The following TFR2 variants were observed in gnomAD, a reference collection of about 807,000 sequenced individuals.
The protein encoded by TFR2 is transferrin receptor protein 2.
TFR2 carries 64 observed loss-of-function variants against 91.9 expected under a neutral mutation model. The observed-to-expected ratio is 0.70, with a 90% CI of 0.57 to 0.86. The LOEUF is 0.86. TFR2 is among the 40% of genes least tolerant of loss of function. The pLI is 0.00. For missense variants in TFR2, 950 were observed against 1,080.5 expected, an observed-to-expected ratio of 0.88 and a Z score of 1.69; for synonymous variants, 454 against 459.6, an observed-to-expected ratio of 0.99 and a Z score of 0.15.
At chr7:100,621,595 T>C (rs112820062) in intron 17 of TFR2, among the ~76,000 whole-genome samples, 63 of 152,230 alleles carry the variant, frequency 4.1e-4, no homozygotes, top group African/African-American at 1.5e-3. Flanking sequence ...CATGTAGTTC[T>C]CCCGAGTCTT....
At chr7:100,639,451 A>T (rs1803646581) in intron 3 of TFR2, among the ~76,000 whole-genome samples, 1 of 152,228 alleles carries the variant, frequency 6.6e-6, no homozygotes, top group Admixed American at 6.5e-5. Flanking sequence ...AGCTGTCTGG[A>T]GCACAGCAAA....
intron 3 of TFR2, among the ~76,000 whole-genome samples, chr7:100,635,323 C>A (rs1195701230): frequency 6.6e-6 from 1 of 151,912 alleles, no homozygotes; most frequent in African/African-American, 2.4e-5. Context: ...CTCACTGCAA[C>A]CTTCAGCTCC....
In TFR2 at chr7:100,627,245, CG is replaced by C. The variant is rs1562837975; in HGVS notation, c.1995+18del. The C allele has an allele frequency of 2.6e-6, 4 of 1,546,736 alleles. No homozygotes were observed. Among genetic ancestry groups the C allele is most frequent in the African/African-American group, 2.7e-5 (2 of 72,942 alleles). On this transcript the variant is annotated intron_variant, in intron 16 of 17. Transcript: ENST00000223051. ...GCCTCCCACTCCCAGAGACCAAGAG[CG>C]GGGTGGGCCTCTTGAACCTTGAGGT...
chr7:100,641,174 G>T lies in TFR2; in HGVS notation c.88C>A (p.Arg30=). 6.6e-7 allele frequency: 1 copy of T among 1,526,660 alleles called. No individual in the cohort carries two copies. 94.6% of individuals were successfully genotyped at this position (1,526,660 alleles called of 1,614,324 possible). A position where few individuals can be genotyped will look rare whatever the true frequency, so the allele number is the denominator to read the frequency against. The part of the protein sequence containing the change: ...QTVYQRVEGP[R]KGHLEEEEED... Reference sequence around the variant, plus strand: ...TCTTCCTCCTCCAGGTGCCCTTTCCGGGGGCCTTCCACACGCTGGTAGACG... The same window carrying T: ...TCTTCCTCCTCCAGGTGCCCTTTCCTGGGGCCTTCCACACGCTGGTAGACG... Residue 30 remains arginine (R), a synonymous_variant, in exon 2 of 18, where the codon CGG becomes AGG. Coordinates refer to ENST00000223051, the MANE Select transcript of TFR2 (RefSeq NM_003227.4).
chr7:100,634,109 CCAT>C (rs1395374742), intron 3 of TFR2, among the ~76,000 whole-genome samples: 2 of 151,588 alleles, frequency 1.3e-5, no homozygotes, highest in Non-Finnish European at 1.5e-5. Context: ...GGGGTCCTGC[CCAT>C]CATCCTGTAG....
chr7:100,631,733 A>G (rs1167385580), intron 8 of TFR2, 73 bp downstream of exon 8: 11 of 1,561,082 alleles, frequency 7.0e-6, no homozygotes, highest in East Asian at 6.8e-5. Context: ...GTTCACCCAC[A>G]ATCACCCTGT....
At chr7:100,637,593 C>T (rs1041483740) in intron 3 of TFR2, among the ~76,000 whole-genome samples, 1 of 151,356 alleles carries the variant, frequency 6.6e-6, no homozygotes, top group African/African-American at 2.4e-5. Context: ...GAATTGGTTG[C>T]AAATATATAA....
At chr7:100,640,532 C>T (rs771780985) in intron 3 of TFR2, 154 bp downstream of exon 3, 32 of 831,020 alleles carry the variant, frequency 3.9e-5, no homozygotes, top group Non-Finnish European at 5.7e-5. Context: ...CCATCCTTCC[C>T]AGGACCGCTG....
Position 100,641,515 on chromosome 7 carries a change from T to C in TFR2, c.-6A>G, listed in dbSNP as rs1409488700. ...AGACCCCAAAGCCGCTCCATGCTTG[T>C]GTCCCCTCCTGAAGCCTGCAGGCTG... On this transcript the variant is annotated 5_prime_UTR_variant, in exon 1 of 18. Coordinates refer to ENST00000223051, the MANE Select transcript of TFR2 (RefSeq NM_003227.4). 14 of 1,613,724 alleles carry C rather than the reference T, an allele frequency of 8.7e-6. No individual in the cohort carries two copies. The African/African-American group carries it at 1.5e-4, about 17-fold the overall frequency.
chr7:100,621,043 C>T lies in TFR2; in HGVS notation c.2220G>A (p.Thr740=), dbSNP rs974022495. ...GCAGGTGGTCCAGCAGGGCGCCCAG[C>T]GTGTGGTCTCCACGGCCCATGAAGA... is the stretch of plus-strand genomic sequence containing the variant. The part of the protein sequence containing the change: ...RHIFMGRGDH[T]LGALLDHLRL... The change falls in exon 18 of 18, where the codon ACG becomes ACA. Residue 740 remains threonine (T), a synonymous_variant. Transcript: ENST00000223051. 5.7e-6 allele frequency: 9 copies of T among 1,583,318 alleles called. No individual in the cohort carries two copies. The highest frequency in any genetic ancestry group is 3.4e-5 in the South Asian group (3 of 87,548).
At chr7:100,629,482 C>T in intron 9 of TFR2, 110 bp from the exon 10 acceptor site, 11 of 1,583,056 alleles carry the variant, frequency 6.9e-6, no homozygotes, top group Admixed American at 3.4e-5. Flanking sequence ...AACCCTAGCC[C>T]TGCAGTCCCT....
Position 100,630,983 on chromosome 7 carries a change from G to T in TFR2, c.1176C>A (p.Gly392=). Residue 392 remains glycine (G), a synonymous_variant, in exon 9 of 18, where the codon GGC becomes GGA. Transcript: ENST00000223051. ...GSLLGSPYHL[G]PGPRLRLVVN... ...CCACTAGCCGCAGTCGTGGCCCGGGGCCCAGGTGATAAGGGGAGCCTAGGA... is the reference window on the plus strand; with the variant it reads ...CCACTAGCCGCAGTCGTGGCCCGGGTCCCAGGTGATAAGGGGAGCCTAGGA... 1.2e-6 allele frequency: 2 copies of T among 1,611,010 alleles called. No homozygotes were observed. Among genetic ancestry groups the T allele is most frequent in the South Asian group, 2.2e-5 (2 of 90,780 alleles).
chr7:100,622,107 A>G (rs182229947), intron 17 of TFR2, among the ~76,000 whole-genome samples: 162 of 152,210 alleles, frequency 1.1e-3, no homozygotes, highest in Non-Finnish European at 1.4e-3. Context: ...GCTCACTGCA[A>G]CCCAAACCCC....
intron 17 of TFR2, 98 bp downstream of exon 17, chr7:100,626,665 G>T: frequency 6.6e-7 from 1 of 1,509,968 alleles, no homozygotes. Context: ...GTGTAGGCGG[G>T]GAGAGAGAGG....
chr7:100,621,288 C>A (rs924919039), intron 17 of TFR2, among the ~76,000 whole-genome samples, 162 bp from the exon 18 acceptor site: 73 of 152,354 alleles, frequency 4.8e-4, no homozygotes, highest in African/African-American at 1.8e-3. Context: ...GAGTCTCGCT[C>A]TGTCTCCCAG....
At chr7:100,629,174 C>T in intron 10 of TFR2, 79 bp downstream of exon 10, 1 of 1,582,420 alleles carries the variant, frequency 6.3e-7, no homozygotes, top group Non-Finnish European at 8.6e-7. Context: ...GTGTCCCTCA[C>T]TGCCTCTCTG....
rs1185039768 is a variant in TFR2 at position 100,632,167 on chromosome 7, C to G, written c.881G>C (p.Gly294Ala). 6.2e-7 allele frequency: 1 copy of G among 1,614,072 alleles called. No homozygotes were observed. The highest frequency in any genetic ancestry group is 1.7e-5 in the Admixed American group (1 of 59,996). ...VTNAQDFGAQ[G>A]VLIYPEPADF... Reference sequence around the variant, plus strand: ...CGCTGGCTCTGGGTATATGAGCACTCCTTGAGCCCCGAAGTCCTGAGCATT... The same window carrying G: ...CGCTGGCTCTGGGTATATGAGCACTGCTTGAGCCCCGAAGTCCTGAGCATT... The change falls in exon 7 of 18, where the codon GGA (glycine) becomes GCA (alanine). Residue 294 changes from glycine to alanine, a missense_variant. Physicochemically the swap from Gly to Ala is moderately conservative, Grantham distance 60. Transcript: ENST00000223051.
chr7:100,625,769 C>T (rs1393906581), intron 17 of TFR2, among the ~76,000 whole-genome samples: 2 of 152,152 alleles, frequency 1.3e-5, no homozygotes, highest in Non-Finnish European at 2.9e-5. Flanking sequence ...CCTGTACTCC[C>T]AGCTACTAGG....
intron 10 of TFR2, 93 bp downstream of exon 10, chr7:100,629,160 G>A: frequency 1.3e-6 from 2 of 1,537,368 alleles, no homozygotes; most frequent in Non-Finnish European, 1.8e-6. Context: ...CCACTGGCCA[G>A]TCTGTGTCCC....
Sources: gnomAD v4.1 joint callset for allele counts (sites outside exome capture counted in the v4.1 genomes callset) on GRCh38, gnomAD v4.1.1 for gene constraint, MANE v1.5 for transcripts, NCBI Gene and HGNC (gene_info 2026-07-23, HGNC 2026-07-21) for gene names.